CUL3: variants seen among roughly 807,000 people sequenced by gnomAD.
CUL3 encodes cullin 3, also known as cullin-3.
In CUL3, 19 loss-of-function variants were observed where a neutral mutation model predicts 89.1. That is an observed-to-expected ratio of 0.21 (90% CI 0.15 to 0.31). The LOEUF (loss-of-function observed/expected upper bound fraction) is 0.31, where lower values mean the gene tolerates loss of function less well. Among genes scored for constraint, CUL3 ranks in the 10% least tolerant of loss-of-function variants. The pLI is 1.00. For synonymous variants in CUL3, 351 were observed against 308.4 expected (o/e 1.14, Z -1.45); for missense variants, 469 against 942.3 (o/e 0.50, Z 6.58).
intron 1 of CUL3, among the ~76,000 whole-genome samples, chr2:224,573,286 A>G (rs1256045389): frequency 6.6e-6 from 1 of 152,164 alleles, no homozygotes; most frequent in East Asian, 1.9e-4. Flanking sequence ...TATTAACCAA[A>G]TTTTTTTAAT....
At chr2:224,558,305 C>A (rs1370396105) in intron 1 of CUL3, among the ~76,000 whole-genome samples, 1 of 152,128 alleles carries the variant, frequency 6.6e-6, no homozygotes, top group African/African-American at 2.4e-5. Context: ...AAATTCATAA[C>A]CACTAACGTT....
rs180820507 is a variant in CUL3 at position 224,569,488 on chromosome 2, G to A, written c.67-11632C>T. ...CAAGTCAAGAATTTAATTTTTGAAA[G>A]TGATCTTTGCCTCCTTACCTCCCTC... is the stretch of plus-strand genomic sequence containing the variant. On this transcript the variant is annotated intron_variant, in intron 1 of 15. Coordinates refer to ENST00000264414, the MANE Select transcript of CUL3 (RefSeq NM_003590.5). Among the ~76,000 whole-genome samples the A allele has an allele frequency of 4.3e-4, 66 of 152,286 alleles. 1 individual carries two copies. The East Asian group carries it at 8.9e-3, about 20-fold the overall frequency.
chr2:224,517,361 G>A (rs1693093876), intron 3 of CUL3, among the ~76,000 whole-genome samples: 1 of 152,132 alleles, frequency 6.6e-6, no homozygotes, highest in Non-Finnish European at 1.5e-5. Flanking sequence ...AATGAGTCCT[G>A]TGACTGAAGC....
intron 13 of CUL3, among the ~76,000 whole-genome samples, chr2:224,487,446 A>ACCCCC (rs1559340806): frequency 1.0e-5 from 1 of 96,502 alleles, no homozygotes; most frequent in Admixed American, 9.4e-5. Flanking sequence ...CCCCCCCCAA[A>ACCCCC]AAAAAAAAAA....
In CUL3 at chr2:224,506,094, G is replaced by A. The variant is rs1316063531; in HGVS notation, c.1068C>T (p.Leu356=). The change falls in exon 8 of 16, where the codon CTC becomes CTT. Residue 356 remains leucine (L), a synonymous_variant. Transcript: ENST00000264414. The part of the protein sequence containing the change: ...LDLKSRFDRF[L]LESFNNDRLF... Reference sequence around the variant, plus strand: ...GACGGTCATTGTTGAATGATTCCAGGAGGAAGCGATCGAACCTACTCTTCA... The same window carrying A: ...GACGGTCATTGTTGAATGATTCCAGAAGGAAGCGATCGAACCTACTCTTCA... 3 of 1,608,388 alleles carry A rather than the reference G, an allele frequency of 1.9e-6. No homozygotes were observed. In the African/African-American group the frequency reaches 4.0e-5, roughly 21 times the overall value.
chr2:224,557,238 TTAAAA>T (rs1394611623), intron 2 of CUL3, among the ~76,000 whole-genome samples: 5 of 152,282 alleles, frequency 3.3e-5, no homozygotes, highest in African/African-American at 9.6e-5. Flanking sequence ...CAGAACTCAG[TTAAAA>T]TAAAGTCAAT....
At chr2:224,498,419 A>C (rs572172130) in intron 11 of CUL3, among the ~76,000 whole-genome samples, 2 of 152,250 alleles carry the variant, frequency 1.3e-5, no homozygotes, top group African/African-American at 4.8e-5. Context: ...CCAAAGCCTG[A>C]GCCACTCTGT....
chr2:224,472,582 T>C lies in CUL3; in HGVS notation c.*1663A>G, dbSNP rs905065320. 1.6e-4 allele frequency: 30 copies of C among 187,458 alleles called. No individual in the cohort carries two copies. The highest frequency in any genetic ancestry group is 2.7e-4 in the Non-Finnish European group (24 of 88,894). The allele number at this position is 187,458 out of a possible 1,614,324, so 11.6% of individuals were successfully genotyped here. On this transcript the variant is annotated 3_prime_UTR_variant, in exon 16 of 16. Transcript: ENST00000264414. ...TATGGTAAAAGTGTCCTGAGAATAATGTTCACAATACTTTTCATTGGCATC... is the reference window on the plus strand; with the variant it reads ...TATGGTAAAAGTGTCCTGAGAATAACGTTCACAATACTTTTCATTGGCATC...
chr2:224,553,187 T>A (rs112933245), intron 2 of CUL3, among the ~76,000 whole-genome samples: 46 of 152,330 alleles, frequency 3.0e-4, no homozygotes, highest in African/African-American at 1.1e-3. Context: ...AGTACTGTGT[T>A]TATATGATTA....
chr2:224,503,875 G>A (rs2106198016), intron 8 of CUL3, 53 bp from the exon 9 acceptor site: 1 of 1,327,310 alleles, frequency 7.5e-7, no homozygotes, highest in Non-Finnish European at 1.0e-6. Flanking sequence ...TACAAAAGCA[G>A]TACTACGGTT....
intron 1 of CUL3, among the ~76,000 whole-genome samples, chr2:224,574,540 T>C (rs1214568776): frequency 6.6e-6 from 1 of 152,190 alleles, no homozygotes. Context: ...GAACCCCATA[T>C]ACAAATGGTA....
At chr2:224,544,615 C>T (rs1166290757) in intron 2 of CUL3, among the ~76,000 whole-genome samples, 2 of 151,838 alleles carry the variant, frequency 1.3e-5, no homozygotes, top group African/African-American at 2.4e-5. Context: ...AGGGGTTTGT[C>T]ACTTTATAAA....
At chr2:224,532,632 C>T (rs1206840467) in intron 3 of CUL3, among the ~76,000 whole-genome samples, 3 of 152,070 alleles carry the variant, frequency 2.0e-5, no homozygotes, top group Non-Finnish European at 4.4e-5. Context: ...TGGCAAATGT[C>T]AACATTTCTT....
intron 12 of CUL3, among the ~76,000 whole-genome samples, chr2:224,497,512 T>C (rs534503209): frequency 7.6e-4 from 115 of 152,290 alleles, no homozygotes; most frequent in Middle Eastern, 6.8e-3. Context: ...AAATATGTAA[T>C]TATCCTAATG....
intron 6 of CUL3, among the ~76,000 whole-genome samples, chr2:224,511,009 T>C (rs753381607): frequency 1.7e-4 from 26 of 152,176 alleles, no homozygotes; most frequent in Non-Finnish European, 3.4e-4. Context: ...CAAGAGAGTA[T>C]GTAGGACTAA....
rs1201110637 is a variant in CUL3, at chr2:224,511,493, C to A, written c.744G>T (p.Val248=). Residue 248 remains valine (V), a synonymous_variant, in exon 6 of 16, where the codon GTG becomes GTT. Coordinates refer to ENST00000264414, the MANE Select transcript of CUL3 (RefSeq NM_003590.5). ...CCGTTGATTTGTCAAGGCAGTGCAT[C>A]ACTCGTTCTATTTCTTCATTAATTC... The part of the protein sequence containing the change: ...EARINEEIER[V]MHCLDKSTEE... The A allele has an allele frequency of 6.2e-7, 1 of 1,613,614 alleles. No homozygotes were observed. Among genetic ancestry groups the A allele is most frequent in the Admixed American group, 1.7e-5 (1 of 60,000 alleles).
chr2:224,488,809 A>C (rs1317373259), intron 13 of CUL3, among the ~76,000 whole-genome samples: 1 of 152,200 alleles, frequency 6.6e-6, no homozygotes, highest in East Asian at 1.9e-4. Context: ...GACACAACAA[A>C]AAAAGAAAAT....
In CUL3 at chr2:224,579,031, C is replaced by A. The variant is rs75031587; in HGVS notation, c.66+5913G>T. Among the ~76,000 whole-genome samples the A allele has an allele frequency of 8.3e-3, 1,257 of 152,268 alleles. 10 individuals are homozygous for A. The highest frequency in any genetic ancestry group is 0.029 in the African/African-American group (1,199 of 41,568). On this transcript the variant is annotated intron_variant, in intron 1 of 15. Transcript: ENST00000264414. Reference sequence around the variant, plus strand: ...TATTACTTAAAAAGCCAAATTTTTACATTATATTTCATATTACTTAAATAG... The same window carrying A: ...TATTACTTAAAAAGCCAAATTTTTAAATTATATTTCATATTACTTAAATAG...
intron 1 of CUL3, among the ~76,000 whole-genome samples, chr2:224,570,407 C>G (rs1433981895): frequency 6.6e-6 from 1 of 152,166 alleles, no homozygotes; most frequent in Non-Finnish European, 1.5e-5. Context: ...GCCAGAGAAA[C>G]GTGAGACGGT....
Sources: gnomAD v4.1 joint callset for allele counts (sites outside exome capture counted in the v4.1 genomes callset) on GRCh38, gnomAD v4.1.1 for gene constraint, MANE v1.5 for transcripts, NCBI Gene and HGNC (gene_info 2026-07-23, HGNC 2026-07-21) for gene names.